HPS3: variants seen among roughly 807,000 people sequenced by gnomAD.
HPS3 encodes BLOC-2 complex member HPS3.
Under a neutral mutation model 110.9 loss-of-function variants are expected in HPS3, and 79 were observed. The observed-to-expected ratio is 0.71, with a 90% CI of 0.59 to 0.86. HPS3 has a LOEUF of 0.86. Ranked by LOEUF, HPS3 falls within the 40% of genes least tolerant of loss-of-function variation. HPS3 has a pLI of 0.00. For synonymous variants in HPS3, 428 were observed against 451.0 expected, an observed-to-expected ratio of 0.95 and a Z score of 0.65; for missense variants, 1,197 against 1,206.2, an observed-to-expected ratio of 0.99 and a Z score of 0.11.
intron 15 of HPS3, 69 bp from the exon 16 acceptor site, chr3:149,167,824 C>T (rs1724578490): frequency 6.4e-6 from 6 of 943,324 alleles, no homozygotes; most frequent in Non-Finnish European, 1.1e-5. Flanking sequence ...GCACAATCTT[C>T]TTATTCTCCT....
rs148262298 is a variant in HPS3 at position 149,134,131 on chromosome 3, A to G, written c.217+4191A>G. Among the ~76,000 whole-genome samples, 596 of 152,306 alleles carry G rather than the reference A, an allele frequency of 3.9e-3. 3 individuals are homozygous for G. The highest frequency in any genetic ancestry group is 0.014 in the African/African-American group (576 of 41,566). On this transcript the variant is annotated intron_variant, in intron 1 of 16. Coordinates refer to ENST00000296051, the MANE Select transcript of HPS3 (RefSeq NM_032383.5). ...TTGTTTTTGTTTTTGCCTAATGACA[A>G]CATTAGCAGGGGCCTGCACTGGGCC...
chr3:149,142,657 T>A (rs1358728677), intron 4 of HPS3, among the ~76,000 whole-genome samples: 2 of 105,778 alleles, frequency 1.9e-5, no homozygotes, highest in Non-Finnish European at 4.0e-5. Flanking sequence ...AACCTTCATT[T>A]TTTTTTCTTT....
chr3:149,143,322 G>A (rs1722597399), intron 4 of HPS3, among the ~76,000 whole-genome samples: 1 of 152,100 alleles, frequency 6.6e-6, no homozygotes, highest in African/African-American at 2.4e-5. Context: ...TGTGCGTAGG[G>A]TACTCCTCTC....
Position 149,171,660 on chromosome 3 carries a change from T to C in HPS3, c.2888-435T>C, listed in dbSNP as rs570715297. 7.9e-5 allele frequency among the ~76,000 whole-genome samples: 12 copies of C among 152,128 alleles called. No individual in the cohort carries two copies. In the East Asian group the frequency reaches 2.3e-3, roughly 29 times the overall value. On this transcript the variant is annotated intron_variant, in intron 16 of 16. Coordinates refer to ENST00000296051, the MANE Select transcript of HPS3 (RefSeq NM_032383.5). Reference sequence around the variant, plus strand: ...TATGGATTTAAGAGACTGATTTTTTTCTTTGAAGTTATAACATTTTGTTAC... The same window carrying C: ...TATGGATTTAAGAGACTGATTTTTTCCTTTGAAGTTATAACATTTTGTTAC...
chr3:149,156,651 G>A (rs1377714109), intron 8 of HPS3, among the ~76,000 whole-genome samples: 2 of 151,508 alleles, frequency 1.3e-5, no homozygotes, highest in Non-Finnish European at 2.9e-5. Context: ...TGTGTTAAGG[G>A]TATCACATCT....
Position 149,155,740 on chromosome 3 carries a change from T to C in HPS3, c.1509+525T>C, listed in dbSNP as rs77412761. 2.0e-5 allele frequency among the ~76,000 whole-genome samples: 3 copies of C among 152,150 alleles called. No homozygotes were observed. The East Asian group carries it at 5.8e-4, about 29-fold the overall frequency. ...ATTTTAACTCTTTATTTTGAAACAA[T>C]TTCAAACTTACAGAAAAGTTGCAAG... On this transcript the variant is annotated intron_variant, in intron 8 of 16. Coordinates refer to ENST00000296051, the MANE Select transcript of HPS3 (RefSeq NM_032383.5).
chr3:149,148,114 C>T (rs544758187), intron 5 of HPS3, among the ~76,000 whole-genome samples: 333 of 152,102 alleles, frequency 2.2e-3, no homozygotes, highest in Non-Finnish European at 3.0e-3. Flanking sequence ...CTCAGATGAT[C>T]CACCCGCCAC....
chr3:149,151,616 A>C (rs1472414684), intron 6 of HPS3, among the ~76,000 whole-genome samples: 1 of 103,712 alleles, frequency 9.6e-6, no homozygotes, highest in African/African-American at 3.9e-5. Context: ...AAAAAAAAAA[A>C]GCCTCTTGAC....
At chr3:149,159,808 G>T (rs925176027) in intron 10 of HPS3, among the ~76,000 whole-genome samples, 2 of 152,008 alleles carry the variant, frequency 1.3e-5, no homozygotes, top group Non-Finnish European at 2.9e-5. Context: ...CCATAACCTG[G>T]TACATATTTT....
chr3:149,144,207 T>C (rs1207016069), intron 4 of HPS3, among the ~76,000 whole-genome samples: 4 of 135,156 alleles, frequency 3.0e-5, no homozygotes, highest in Non-Finnish European at 6.2e-5. Context: ...AAACCCCGTC[T>C]CTACTAGAAA....
chr3:149,155,355 C>G, intron 8 of HPS3, 140 bp downstream of exon 8: 1 of 651,564 alleles, frequency 1.5e-6, no homozygotes, highest in Non-Finnish European at 2.8e-6. Flanking sequence ...GAATGTATAT[C>G]TCTCTCTGCC....
At chr3:149,170,330 G>T (rs1403919941) in intron 16 of HPS3, 2 of 152,102 alleles carry the variant, frequency 1.3e-5, no homozygotes, top group African/African-American at 4.8e-5. Context: ...GCTACTTACA[G>T]GCTCCACATT....
chr3:149,154,916 A>C (rs1483020517), intron 7 of HPS3, among the ~76,000 whole-genome samples, 191 bp from the exon 8 acceptor site: 3 of 152,244 alleles, frequency 2.0e-5, no homozygotes, highest in Non-Finnish European at 2.9e-5. Flanking sequence ...AAATTACAGA[A>C]TATTAAATGC....
intron 4 of HPS3, 127 bp from the exon 5 acceptor site, chr3:149,145,227 G>C (rs368996227): frequency 1.4e-6 from 1 of 717,444 alleles, no homozygotes; most frequent in Non-Finnish European, 2.5e-6. Flanking sequence ...TCTATAAAGA[G>C]CAACTTCCCC....
At chr3:149,130,052 C>A in intron 1 of HPS3, 112 bp downstream of exon 1, 1 of 1,021,594 alleles carries the variant, frequency 9.8e-7, no homozygotes, top group Non-Finnish European at 1.4e-6. Flanking sequence ...TCTTGCTTCC[C>A]GGAATTTGCC....
At chr3:149,132,015 G>T (rs1721809252) in intron 1 of HPS3, among the ~76,000 whole-genome samples, 1 of 152,218 alleles carries the variant, frequency 6.6e-6, no homozygotes, top group Admixed American at 6.5e-5. Context: ...AGGTGAGGAA[G>T]CAGCAGAATA....
rs113015797 is a variant in HPS3 at position 149,172,318 on chromosome 3, T to TCA, written c.*133_*134dup. 27,598 of 567,808 alleles carry TCA rather than the reference T, an allele frequency of 0.049. 257 individuals carry two copies. Among genetic ancestry groups the TCA allele is most frequent in the African/African-American group, 0.083 (4,081 of 49,428 alleles). 35.2% of individuals were successfully genotyped at this position (567,808 alleles called of 1,614,324 possible). On this transcript the variant is annotated 3_prime_UTR_variant, in exon 17 of 17. Transcript: ENST00000296051. Reference sequence around the variant, plus strand: ...GTAGAGGAGTTTTTTATTTTATATATCACACACACACACACACACACACAC... The same window carrying TCA: ...GTAGAGGAGTTTTTTATTTTATATATCACACACACACACACACACACACACAC...
intron 1 of HPS3, among the ~76,000 whole-genome samples, chr3:149,131,984 C>CA (rs1266033784): frequency 2.0e-5 from 3 of 152,216 alleles, no homozygotes; most frequent in African/African-American, 7.2e-5. Flanking sequence ...GCCCTCTGTT[C>CA]AACTCTGTGA....
intron 14 of HPS3, among the ~76,000 whole-genome samples, chr3:149,165,513 C>CT (rs1724327125): frequency 6.6e-6 from 1 of 151,732 alleles, no homozygotes; most frequent in South Asian, 2.1e-4. Flanking sequence ...CAGTCTCACT[C>CT]TATTGCCCAG....
Sources: gnomAD v4.1 joint callset for allele counts (sites outside exome capture counted in the v4.1 genomes callset) on GRCh38, gnomAD v4.1.1 for gene constraint, MANE v1.5 for transcripts, NCBI Gene and HGNC (gene_info 2026-07-23, HGNC 2026-07-21) for gene names.